PEPD: variants seen among roughly 807,000 people sequenced by gnomAD.
PEPD encodes xaa-Pro dipeptidase.
In PEPD, 53 loss-of-function variants were observed where a neutral mutation model predicts 60.7. The ratio of observed to expected loss-of-function variants is 0.87; its 90% CI spans 0.70 to 1.10. The LOEUF (loss-of-function observed/expected upper bound fraction) is 1.10. Among genes scored for constraint, PEPD ranks in the 50% least tolerant of loss-of-function variants. The pLI is 0.00. For synonymous variants in PEPD, 267 were observed against 284.1 expected (o/e 0.94, Z 0.60); for missense variants, 711 against 711.9 (o/e 1.00, Z 0.01).
chr19:33,485,068 G>C (rs1296416376), intron 6 of PEPD, among the ~76,000 whole-genome samples: 1 of 152,170 alleles, frequency 6.6e-6, no homozygotes, highest in East Asian at 1.9e-4. Context: ...CCAGGCCACT[G>C]GCTTCTTTCC....
intron 9 of PEPD, among the ~76,000 whole-genome samples, chr19:33,438,094 C>A (rs1969414027): frequency 6.6e-6 from 1 of 152,234 alleles, no homozygotes; most frequent in Non-Finnish European, 1.5e-5. Flanking sequence ...TCCAATCACA[C>A]CAGCTGGCTC....
At chr19:33,393,355 T>C (rs924994232) in intron 12 of PEPD, among the ~76,000 whole-genome samples, 1 of 151,832 alleles carries the variant, frequency 6.6e-6, no homozygotes, top group Non-Finnish European at 1.5e-5. Context: ...TGGCTGCAGC[T>C]GCCCTGTATC....
intron 6 of PEPD, among the ~76,000 whole-genome samples, chr19:33,487,570 G>A (rs149099171): frequency 1.4e-3 from 210 of 152,284 alleles, no homozygotes; most frequent in African/African-American, 5.0e-3. Flanking sequence ...GCGTAGGTGC[G>A]GAAACTGACG....
At chr19:33,452,989 A>G (rs537743009) in intron 9 of PEPD, among the ~76,000 whole-genome samples, 1 of 152,220 alleles carries the variant, frequency 6.6e-6, no homozygotes, top group Non-Finnish European at 1.5e-5. Flanking sequence ...TATATAGCTC[A>G]ATTTCCTATT....
intron 1 of PEPD, among the ~76,000 whole-genome samples, chr19:33,513,185 G>A (rs527953393): frequency 2.0e-5 from 3 of 152,066 alleles, no homozygotes; most frequent in African/African-American, 7.2e-5. Context: ...TACCAGGCAG[G>A]CCCCTGGCTC....
chr19:33,488,875 GTAGGGGATGCATGA>G (rs1970444769), intron 6 of PEPD, among the ~76,000 whole-genome samples: 1 of 152,154 alleles, frequency 6.6e-6, no homozygotes. Flanking sequence ...CATGGGGGCT[GTAGGGGATGCATGA>G]TAGGGGAGGG....
chr19:33,467,933 T>A (rs1481560672), intron 7 of PEPD, among the ~76,000 whole-genome samples: 6 of 151,452 alleles, frequency 4.0e-5, no homozygotes, highest in African/African-American at 1.5e-4. Flanking sequence ...TGGAGTGGAG[T>A]GAAAGGGCCA....
chr19:33,510,918 C>G, intron 3 of PEPD, 110 bp downstream of exon 3: 2 of 1,158,732 alleles, frequency 1.7e-6, no homozygotes, highest in South Asian at 1.3e-5. Context: ...TCCTGCAGCT[C>G]TTCCCTCCTC....
intron 12 of PEPD, among the ~76,000 whole-genome samples, chr19:33,395,806 G>A (rs1968346221): frequency 6.6e-6 from 1 of 152,256 alleles, no homozygotes; most frequent in Non-Finnish European, 1.5e-5. Flanking sequence ...GGATGGATGG[G>A]TGTGAGCCAG....
chr19:33,425,024 T>C (rs1055687212), intron 9 of PEPD, among the ~76,000 whole-genome samples: 7 of 151,950 alleles, frequency 4.6e-5, no homozygotes, highest in African/African-American at 1.7e-4. Flanking sequence ...AAAAACCAGG[T>C]TACCCTCAGA....
At position 33,402,172 on chromosome 19, in the gene PEPD, T is replaced by A. The variant is rs536936345; in HGVS notation, c.819-303A>T. 1.7e-3 allele frequency among the ~76,000 whole-genome samples: 265 copies of A among 152,240 alleles called. 1 individual carries two copies. Among genetic ancestry groups the A allele is most frequent in the African/African-American group, 6.2e-3 (257 of 41,558 alleles). ...GTCCTATGCAGATGACACCCACCCC[T>A]GTGGCCTGGCCTCCAAGAGCTCAGA... On this transcript the variant is annotated intron_variant, in intron 11 of 14. Transcript: ENST00000244137.
chr19:33,460,511 G>A (rs957503311), intron 9 of PEPD, among the ~76,000 whole-genome samples: 2 of 152,128 alleles, frequency 1.3e-5, no homozygotes, highest in Non-Finnish European at 2.9e-5. Context: ...CATCTTCAGA[G>A]GGGGTGACCC....
intron 1 of PEPD, among the ~76,000 whole-genome samples, chr19:33,520,408 T>C (rs1353388653): frequency 6.6e-6 from 1 of 152,206 alleles, no homozygotes; most frequent in Non-Finnish European, 1.5e-5. Context: ...GCTGAAGGAC[T>C]AGCACAAAAG....
rs560932525 is a variant in PEPD at position 33,386,956 on chromosome 19, T to G, written c.*388A>C. 2 of 259,620 alleles carry G rather than the reference T, an allele frequency of 7.7e-6. No homozygotes were observed. Among genetic ancestry groups the G allele is most frequent in the Admixed American group, 1.0e-4 (2 of 19,688 alleles). 16.1% of individuals were successfully genotyped at this position (259,620 alleles called of 1,614,324 possible). ...GGGGAAGCCACGCACAAAGGACCAT[T>G]TTAGGAAACCTTTTATTGCAAATGC... On this transcript the variant is annotated 3_prime_UTR_variant, in exon 15 of 15. Transcript: ENST00000244137.
chr19:33,468,438 C>T (rs1023645415), intron 7 of PEPD, among the ~76,000 whole-genome samples: 1 of 152,262 alleles, frequency 6.6e-6, no homozygotes, highest in African/African-American at 2.4e-5. Flanking sequence ...ATCTCCTCTT[C>T]CTCCTCCTCG....
intron 9 of PEPD, among the ~76,000 whole-genome samples, chr19:33,433,106 G>T (rs1284072153): frequency 5.9e-5 from 9 of 152,240 alleles, no homozygotes; most frequent in African/African-American, 1.4e-4. Flanking sequence ...ACACCCATTT[G>T]CATGTTGTCC....
intron 9 of PEPD, among the ~76,000 whole-genome samples, chr19:33,429,494 G>A (rs1030604814): frequency 2.6e-5 from 4 of 152,152 alleles, no homozygotes; most frequent in Non-Finnish European, 4.4e-5. Flanking sequence ...TATAAAAGAC[G>A]AAACCATGTG....
At chr19:33,448,053 C>A (rs527338369) in intron 9 of PEPD, among the ~76,000 whole-genome samples, 9 of 152,336 alleles carry the variant, frequency 5.9e-5, no homozygotes, top group African/African-American at 2.2e-4. Flanking sequence ...GGTATGGAGA[C>A]AGCCCTTCCT....
chr19:33,493,209 G>A (rs980256712), intron 5 of PEPD, 81 bp downstream of exon 5: 14 of 986,908 alleles, frequency 1.4e-5, no homozygotes, highest in East Asian at 5.0e-5. Flanking sequence ...CTATGGGCCC[G>A]ACCTCTGCAG....
Sources: gnomAD v4.1 joint callset for allele counts (sites outside exome capture counted in the v4.1 genomes callset) on GRCh38, gnomAD v4.1.1 for gene constraint, MANE v1.5 for transcripts, NCBI Gene and HGNC (gene_info 2026-07-23, HGNC 2026-07-21) for gene names.